PGD: variants seen among roughly 807,000 people sequenced by gnomAD.
The protein encoded by PGD is 6-phosphogluconate dehydrogenase, decarboxylating.
In PGD, 21 loss-of-function variants were observed where a neutral mutation model predicts 60.4. The observed-to-expected ratio is 0.35, with a 90% CI of 0.25 to 0.50. The LOEUF (loss-of-function observed/expected upper bound fraction) is 0.50, where lower values mean the gene tolerates loss of function less well. Ranked by LOEUF, PGD falls within the 20% of genes least tolerant of loss-of-function variation. PGD has a pLI of 0.98. For missense variants in PGD, 477 were observed against 613.1 expected, an observed-to-expected ratio of 0.78 and a Z score of 2.34; for synonymous variants, 230 against 235.9, an observed-to-expected ratio of 0.97 and a Z score of 0.23.
At chr1:10,418,965 C>T in intron 11 of PGD, 40 bp downstream of exon 11, 1 of 1,095,986 alleles carries the variant, frequency 9.1e-7, no homozygotes, top group Non-Finnish European at 1.4e-6. Context: ...ACTCTACCTC[C>T]CTGGGGCCAT....
chr1:10,399,476 GCA>G (rs1639272990), intron 1 of PGD, 151 bp from the exon 2 acceptor site: 5 of 691,428 alleles, frequency 7.2e-6, no homozygotes, highest in Non-Finnish European at 1.2e-5. Flanking sequence ...CCGAGGCTCT[GCA>G]GCGTGCGCGC....
At chr1:10,405,581 T>C (rs150688514) in intron 5 of PGD, among the ~76,000 whole-genome samples, 1,796 of 150,788 alleles carry the variant, frequency 0.012, 36 homozygotes, top group African/African-American at 0.041. Context: ...GGCTCACGCC[T>C]GTAATCCCAG....
At chr1:10,403,354 G>T (rs1317852672) in intron 4 of PGD, among the ~76,000 whole-genome samples, 1 of 152,034 alleles carries the variant, frequency 6.6e-6, no homozygotes, top group African/African-American at 2.4e-5. Flanking sequence ...CACTTTGGGA[G>T]ACGGAGGCAG....
At chr1:10,400,352 G>C (rs1639293935) in intron 2 of PGD, 41 bp from the exon 3 acceptor site, 1 of 1,457,796 alleles carries the variant, frequency 6.9e-7, no homozygotes, top group Admixed American at 1.8e-5. Context: ...TGAAAGTCTT[G>C]TGTGTCCTGG....
rs186940184 is a variant in PGD, at chr1:10,414,341, A to G, written c.844+1090A>G. Among the ~76,000 whole-genome samples the G allele has an allele frequency of 3.4e-4, 51 of 152,192 alleles. No homozygotes were observed. The East Asian group carries it at 8.9e-3, about 27-fold the overall frequency. On this transcript the variant is annotated intron_variant, in intron 8 of 12. Coordinates refer to ENST00000270776, the MANE Select transcript of PGD (RefSeq NM_002631.4). ...AACATAAAACGAGAGGGGATTAACAATATCAAAATCTTGGCCGGGGGGGTG... is the reference window on the plus strand; with the variant it reads ...AACATAAAACGAGAGGGGATTAACAGTATCAAAATCTTGGCCGGGGGGGTG...
At chr1:10,402,027 AAATT>A (rs201225440) in intron 3 of PGD, among the ~76,000 whole-genome samples, 5,230 of 150,206 alleles carry the variant, frequency 0.035, 113 homozygotes, top group Middle Eastern at 0.13. Context: ...ATAAATAAAT[AAATT>A]AATTAATTAA....
intron 2 of PGD, 66 bp downstream of exon 2, chr1:10,399,770 G>A: frequency 1.5e-6 from 2 of 1,366,442 alleles, no homozygotes; most frequent in East Asian, 4.6e-5. Flanking sequence ...CCGGCGATAG[G>A]TTTGGGAGCT....
At chr1:10,405,425 C>CACACACACACACACAT (rs548786254) in intron 5 of PGD, among the ~76,000 whole-genome samples, 6,769 of 149,350 alleles carry the variant, frequency 0.045, 266 homozygotes, top group Admixed American at 0.11. Flanking sequence ...CACACACACA[C>CACACACACACACACAT]ATATATATAA....
In PGD at chr1:10,400,412, C is replaced by G. The variant is rs1167738159; in HGVS notation, c.104C>G (p.Thr35Ser). ...TTCTAGGTCTGTGCTTTTAATAGGA[C>G]TGTCTCCAAAGTTGATGATTTCTTG... is the stretch of plus-strand genomic sequence containing the variant. ...HGFVVCAFNR[T>S]VSKVDDFLAN... The change falls in exon 3 of 13, where the codon ACT becomes AGT. Residue 35 changes from threonine (T) to serine (S), a missense_variant. Transcript: ENST00000270776. 1.2e-6 allele frequency: 2 copies of G among 1,613,496 alleles called. No individual in the cohort carries two copies. Among genetic ancestry groups the G allele is most frequent in the Admixed American group, 1.7e-5 (1 of 59,956 alleles).
intron 5 of PGD, 33 bp from the exon 6 acceptor site, chr1:10,408,038 T>G (rs1345446133): frequency 1.5e-6 from 2 of 1,352,176 alleles, no homozygotes; most frequent in Non-Finnish European, 2.1e-6. Context: ...CCGTCTCTTC[T>G]CATTAACTGA....
At chr1:10,399,167 G>A in intron 1 of PGD, 42 bp downstream of exon 1, 4 of 1,604,980 alleles carry the variant, frequency 2.5e-6, no homozygotes, top group East Asian at 2.2e-5. Context: ...GCCTCAGCGG[G>A]CGGGGAACTC....
Position 10,413,118 on chromosome 1 carries a change from C to T in PGD, c.711C>T (p.Ala237=). 1 of 1,614,074 alleles carries T rather than the reference C, an allele frequency of 6.2e-7. No homozygotes were observed. Among genetic ancestry groups the T allele is most frequent in the Non-Finnish European group, 8.5e-7 (1 of 1,179,958 alleles). Residue 237 remains alanine (A), a synonymous_variant, in exon 8 of 13, where the codon GCC becomes GCT. Coordinates refer to ENST00000270776, the MANE Select transcript of PGD (RefSeq NM_002631.4). ...ACTCATTCCTGATTGAAATCACAGC[C>T]AATATTCTCAAGTTCCAAGACACCG... ...ELDSFLIEIT[A]NILKFQDTDG...
chr1:10,411,280 G>A (rs1278862452), intron 6 of PGD, 138 bp from the exon 7 acceptor site: 13 of 822,080 alleles, frequency 1.6e-5, no homozygotes, highest in Non-Finnish European at 2.3e-5. Context: ...TATCAAAAAT[G>A]CTGTACTCAT....
chr1:10,403,927 C>T (rs184837818), intron 4 of PGD, among the ~76,000 whole-genome samples: 23 of 152,262 alleles, frequency 1.5e-4, no homozygotes, highest in Admixed American at 1.2e-3. Context: ...AGGTAGGTAT[C>T]GTGAATGTCC....
chr1:10,416,866 A>G, intron 8 of PGD, 121 bp from the exon 9 acceptor site: 4 of 821,652 alleles, frequency 4.9e-6, no homozygotes, highest in Non-Finnish European at 7.6e-6. Flanking sequence ...TTCTTTTGTG[A>G]TTCTTCACTT....
chr1:10,401,069 G>T (rs1276948856), intron 3 of PGD, among the ~76,000 whole-genome samples: 2 of 152,194 alleles, frequency 1.3e-5, no homozygotes, highest in Non-Finnish European at 1.5e-5. Context: ...GCTGGGCTTT[G>T]TGGCTCATGC....
intron 11 of PGD, 35 bp downstream of exon 11, chr1:10,418,960 A>G (rs1639643548): frequency 8.7e-7 from 1 of 1,144,912 alleles, no homozygotes. Context: ...TGGTTACTCT[A>G]CCTCCCTGGG....
At chr1:10,416,328 T>TTG (rs1639593703) in intron 8 of PGD, among the ~76,000 whole-genome samples, 1 of 152,256 alleles carries the variant, frequency 6.6e-6, no homozygotes, top group African/African-American at 2.4e-5. Flanking sequence ...ATCTTTGTGA[T>TTG]TGAATACTCA....
At chr1:10,406,365 C>T (rs1398460310) in intron 5 of PGD, among the ~76,000 whole-genome samples, 1 of 148,814 alleles carries the variant, frequency 6.7e-6, no homozygotes, top group Non-Finnish European at 1.5e-5. Flanking sequence ...GCCTGGACAA[C>T]ATAGCAAGAC....
Sources: gnomAD v4.1 joint callset for allele counts (sites outside exome capture counted in the v4.1 genomes callset) on GRCh38, gnomAD v4.1.1 for gene constraint, MANE v1.5 for transcripts, NCBI Gene and HGNC (gene_info 2026-07-23, HGNC 2026-07-21) for gene names.